Variants in SOX6 observed in about 807,000 individuals in gnomAD.
SOX6 encodes the protein transcription factor SOX-6.
SOX6 carries 11 observed loss-of-function variants against 97.8 expected under a neutral mutation model. That is an observed-to-expected ratio of 0.11 (90% confidence interval 0.07 to 0.19). The LOEUF (loss-of-function observed/expected upper bound fraction) is 0.19, where lower values mean the gene tolerates loss of function less well. Ranked by LOEUF, SOX6 falls within the 10% of genes least tolerant of loss-of-function variation. The pLI is 1.00. For synonymous variants in SOX6, 360 were observed against 371.4 expected (o/e 0.97, Z 0.35); for missense variants, 810 against 1,039.5 (o/e 0.78, Z 3.04).
chr11:16,727,290 CTTTTTTT>C lies in SOX6; in HGVS notation n.353+9042_353+9048del, dbSNP rs557437543. Among the ~76,000 whole-genome samples the C allele has an allele frequency of 2.4e-3, 225 of 92,978 alleles. 2 individuals are homozygous for C. Among genetic ancestry groups the C allele is most frequent in the African/African-American group, 8.9e-3 (211 of 23,794 alleles). The allele number at this position is 92,978 out of a possible 152,430, so 61.0% of individuals were successfully genotyped here. On this transcript the variant is annotated intron_variant and non_coding_transcript_variant, in intron 2 of 5. Coordinates refer to the SOX6 transcript ENST00000524520. ...CACTTTATATGCTATATTCACCTTG[CTTTTTTT>C]TTTTTTTTTTTTTTTGGAGACTGCC...
intron 2 of SOX6, among the ~76,000 whole-genome samples, chr11:16,335,198 T>G (rs977269669): frequency 1.3e-5 from 2 of 152,208 alleles, no homozygotes; most frequent in Non-Finnish European, 2.9e-5. Context: ...AAATCTCCCA[T>G]GAGTCTTCCT....
intron 6 of SOX6, among the ~76,000 whole-genome samples, chr11:16,112,920 T>C (rs1052284904): frequency 3.3e-5 from 5 of 152,066 alleles, no homozygotes; most frequent in African/African-American, 4.8e-5. Context: ...CCAAAAGAAA[T>C]TATCTTTAAG....
intron 6 of SOX6, among the ~76,000 whole-genome samples, chr11:16,170,967 T>C: frequency 6.6e-6 from 1 of 152,048 alleles, no homozygotes. Flanking sequence ...AGTTTAGACC[T>C]ACCCTTATCC....
chr11:16,583,120 A>T (rs1402488467), intron 4 of SOX6, among the ~76,000 whole-genome samples: 1 of 151,996 alleles, frequency 6.6e-6, no homozygotes, highest in African/African-American at 2.4e-5. Context: ...CTTGGCACAT[A>T]ATATATTCAA....
chr11:16,704,090 A>G (rs1029392337), intron 3 of SOX6, among the ~76,000 whole-genome samples: 2 of 152,224 alleles, frequency 1.3e-5, no homozygotes, highest in Non-Finnish European at 2.9e-5. Context: ...TGTATCATTT[A>G]AGAAACACAT....
intron 3 of SOX6, chr11:16,269,797 G>A (rs919280664): frequency 6.4e-4 from 96 of 151,006 alleles, no homozygotes; most frequent in African/African-American, 2.1e-3. Context: ...ATTTTACCAC[G>A]GAAGAATTTT....
chr11:16,484,911 T>C (rs1172568478), intron 4 of SOX6, among the ~76,000 whole-genome samples: 2 of 152,134 alleles, frequency 1.3e-5, no homozygotes, highest in Admixed American at 1.3e-4. Flanking sequence ...TGGGCCCCAC[T>C]CTAGACCTCC....
At chr11:16,312,877 C>G (rs1855646289) in intron 3 of SOX6, 1 of 152,108 alleles carries the variant, frequency 6.6e-6, no homozygotes, top group Non-Finnish European at 1.5e-5. Context: ...AGCATCTTAA[C>G]CTGAATCTAT....
chr11:16,038,140 A>G (rs1439505274), intron 12 of SOX6, among the ~76,000 whole-genome samples: 2 of 152,202 alleles, frequency 1.3e-5, no homozygotes, highest in Non-Finnish European at 1.5e-5. Flanking sequence ...GATTTAAGGA[A>G]TATGGGAGGA....
intron 15 of SOX6, among the ~76,000 whole-genome samples, chr11:15,973,491 C>T (rs1166400409): frequency 6.6e-6 from 1 of 152,160 alleles, no homozygotes; most frequent in African/African-American, 2.4e-5. Context: ...GAAAATTAGA[C>T]TAGTGGCATG....
At chr11:16,588,285 TC>T (rs1273635706) in intron 4 of SOX6, among the ~76,000 whole-genome samples, 1 of 152,038 alleles carries the variant, frequency 6.6e-6, no homozygotes, top group Non-Finnish European at 1.5e-5. Context: ...TCATCAAACT[TC>T]CCAATCACCA....
chr11:16,348,776 A>G (rs1028123732), intron 1 of SOX6, among the ~76,000 whole-genome samples: 3 of 152,170 alleles, frequency 2.0e-5, no homozygotes, highest in Non-Finnish European at 4.4e-5. Context: ...AAGGACAGGC[A>G]GGATTCAACT....
intron 4 of SOX6, among the ~76,000 whole-genome samples, chr11:16,215,989 T>TTA (rs1852362092): frequency 6.6e-6 from 1 of 152,164 alleles, no homozygotes; most frequent in African/African-American, 2.4e-5. Flanking sequence ...GGCAGGAGCT[T>TTA]TAGCATCATA....
At chr11:16,179,887 C>T (rs1291029849) in intron 6 of SOX6, among the ~76,000 whole-genome samples, 1 of 151,742 alleles carries the variant, frequency 6.6e-6, no homozygotes, top group East Asian at 1.9e-4. Flanking sequence ...TCTGAAGAGA[C>T]ACAAATAATT....
At chr11:16,479,529 TAA>T (rs77854554), upstream of SOX6, among the ~76,000 whole-genome samples, 32 of 126,756 alleles carry the variant, frequency 2.5e-4, no homozygotes, top group Non-Finnish European at 2.2e-4. Flanking sequence ...GACTCTGTCT[TAA>T]AAAAAAAAAA....
chr11:16,205,623 A>C (rs1273176667), intron 4 of SOX6, among the ~76,000 whole-genome samples: 1 of 152,172 alleles, frequency 6.6e-6, no homozygotes, highest in African/African-American at 2.4e-5. Context: ...TAAATCACGT[A>C]AGTATATAGT....
At chr11:16,035,410 TTTAA>T (rs1420801234) in intron 12 of SOX6, among the ~76,000 whole-genome samples, 1 of 152,218 alleles carries the variant, frequency 6.6e-6, no homozygotes, top group Non-Finnish European at 1.5e-5. Context: ...TAGAATTAAC[TTTAA>T]TTAATAAATG....
At position 16,605,135 on chromosome 11, in the gene SOX6, G is replaced by C. The variant is rs1014636925; in HGVS notation, n.609+6946C>G. Among the ~76,000 whole-genome samples the C allele has an allele frequency of 6.6e-6, 1 of 151,772 alleles. No individual in the cohort carries two copies. Among genetic ancestry groups the C allele is most frequent in the Non-Finnish European group, 1.5e-5 (1 of 67,932 alleles). On this transcript the variant is annotated intron_variant and non_coding_transcript_variant, in intron 4 of 5. Transcript: ENST00000524520. The surrounding 1 kb of genome is among the most constrained non-coding windows in gnomAD (Gnocchi z 5.3). The stretch of plus-strand genomic sequence containing the variant: ...CCGCCCCCTGCCCTGGGCCGAGCCC[G>C]GGAGCAGCGGACCGCGGCCCCGGCT...
chr11:16,097,023 A>G (rs1042708972), intron 8 of SOX6, among the ~76,000 whole-genome samples: 2 of 151,840 alleles, frequency 1.3e-5, no homozygotes, highest in Non-Finnish European at 2.9e-5. Context: ...TGATTTTTCA[A>G]TCAGCTTCCA....
Sources: allele counts gnomAD v4.1 joint callset (sites outside exome capture counted in the v4.1 genomes callset), GRCh38; gene constraint gnomAD v4.1.1; non-coding constraint Gnocchi (gnomAD v3.1); transcripts MANE v1.5; gene names NCBI Gene and HGNC (gene_info 2026-07-23, HGNC 2026-07-21).